RFLNA: variants seen among roughly 807,000 people sequenced by gnomAD.
RFLNA encodes refilin A, also known as refilin-A.
A neutral mutation model predicts 7.8 loss-of-function variants in RFLNA; 5 were observed. The observed-to-expected ratio is 0.64, with a 90% CI of 0.34 to 1.35. RFLNA has a LOEUF of 1.35. Among genes scored for constraint, RFLNA ranks in the 40% most tolerant of loss-of-function variants. The pLI, the probability that RFLNA is intolerant of heterozygous loss-of-function variation, is 0.04. For synonymous variants in RFLNA, 141 were observed against 131.3 expected (o/e 1.07, Z -0.50); for missense variants, 278 against 305.5 (o/e 0.91, Z 0.67).
rs2033794318 is a variant in RFLNA at position 124,290,063 on chromosome 12, G to A, written c.-37+693G>A. 6.6e-6 allele frequency among the ~76,000 whole-genome samples: 1 copy of A among 152,108 alleles called. No individual in the cohort carries two copies. Among genetic ancestry groups the A allele is most frequent in the Non-Finnish European group, 1.5e-5 (1 of 68,022 alleles). On this transcript the variant is annotated intron_variant, in intron 1 of 2. Coordinates refer to the RFLNA transcript ENST00000324038. This position sits in a 1 kb window ranked among gnomAD's most constrained non-coding sequence, Gnocchi z 4.0. ...ACTCCTCCACTTCAACTTCTTCTGTGGCTACTTTCAAACCCTCAGGGATGT... is the reference window on the plus strand; with the variant it reads ...ACTCCTCCACTTCAACTTCTTCTGTAGCTACTTTCAAACCCTCAGGGATGT...
At chr12:124,303,128 G>A (rs934686366) in intron 1 of RFLNA, among the ~76,000 whole-genome samples, 1 of 152,200 alleles carries the variant, frequency 6.6e-6, no homozygotes, top group Non-Finnish European at 1.5e-5. Context: ...GTGCCTCCCT[G>A]TGAGTCCCTG....
Position 124,314,437 on chromosome 12 carries a change from G to C in RFLNA, c.563G>C (p.Gly188Ala), listed in dbSNP as rs1450213363. Reference protein sequence around the residue: ...TFRTTLHCSLGRPSRWFTASV... With the variant: ...TFRTTLHCSLARPSRWFTASV... ...CGGACCACCCTGCACTGCAGCCTGG[G>C]CCGGCCCAGCCGCTGGTTCACCGCC... Residue 188 changes from glycine to alanine, a missense_variant, in exon 3 of 3, where the codon GGC (glycine) becomes GCC (alanine). Physicochemically the swap from Gly to Ala is moderately conservative, Grantham distance 60 (BLOSUM62 0). Coordinates refer to ENST00000546355, the MANE Select transcript of RFLNA (RefSeq NM_001365156.1). The C allele has an allele frequency of 6.2e-7, 1 of 1,601,354 alleles. No individual in the cohort carries two copies. Among genetic ancestry groups the C allele is most frequent in the South Asian group, 1.1e-5 (1 of 91,072 alleles).
rs796252406 is a variant in RFLNA, at chr12:124,296,112, CTT to C, written c.207+478_207+479del. ...TCTTTCTTTCTTTCTTTCTTTCTTT[CTT>C]TCTTTCTTTCTCTCTCTCTCTCTCT... On this transcript the variant is annotated intron_variant, in intron 1 of 2. Transcript: ENST00000546355. 1.6e-3 allele frequency among the ~76,000 whole-genome samples: 6 copies of C among 3,670 alleles called. No homozygotes were observed. In the Non-Finnish European group the frequency reaches 0.017, roughly 10 times the overall value. 2.4% of individuals were successfully genotyped at this position (3,670 alleles called of 152,430 possible).
upstream of RFLNA, among the ~76,000 whole-genome samples, chr12:124,294,539 G>GA (rs2033870918): frequency 6.6e-6 from 1 of 152,182 alleles, no homozygotes; most frequent in Non-Finnish European, 1.5e-5. Context: ...GACCTGCCTG[G>GA]AAAAAATGCA....
intron 1 of RFLNA, among the ~76,000 whole-genome samples, chr12:124,296,082 T>TTCC (rs2033908000): frequency 1.9e-4 from 1 of 5,400 alleles, no homozygotes; most frequent in African/African-American, 3.2e-4. Flanking sequence ...TTTTCTTTCT[T>TTCC]TCTTTCTTTC....
chr12:124,300,958 T>G (rs536390205), intron 1 of RFLNA, among the ~76,000 whole-genome samples: 23 of 147,100 alleles, frequency 1.6e-4, no homozygotes, highest in African/African-American at 5.6e-4. Context: ...ATGGATGGAT[T>G]GATGGATGGA....
upstream of RFLNA, among the ~76,000 whole-genome samples, chr12:124,292,423 G>A (rs1385327899): frequency 6.6e-6 from 1 of 152,190 alleles, no homozygotes; most frequent in African/African-American, 2.4e-5. Context: ...CTAGCCCCTG[G>A]CTCAGATGAA....
At chr12:124,294,602 G>GT (rs2033872227), upstream of RFLNA, among the ~76,000 whole-genome samples, 1 of 152,244 alleles carries the variant, frequency 6.6e-6, no homozygotes, top group Admixed American at 6.5e-5. Flanking sequence ...CGCCCCCGCC[G>GT]CCCCCACCCA....
At chr12:124,297,009 C>A (rs1032420808) in intron 1 of RFLNA, among the ~76,000 whole-genome samples, 1 of 152,154 alleles carries the variant, frequency 6.6e-6, no homozygotes, top group Non-Finnish European at 1.5e-5. Flanking sequence ...TTGAAGTGAA[C>A]CTGATCTTGC....
At chr12:124,310,711 T>G (rs905763503) in intron 1 of RFLNA, among the ~76,000 whole-genome samples, 7 of 152,098 alleles carry the variant, frequency 4.6e-5, no homozygotes, top group African/African-American at 1.7e-4. Flanking sequence ...AGTGGAATTT[T>G]GGGACAGACT....
chr12:124,304,564 G>A (rs1334996668), intron 1 of RFLNA, among the ~76,000 whole-genome samples: 1 of 152,252 alleles, frequency 6.6e-6, no homozygotes, highest in Non-Finnish European at 1.5e-5. Flanking sequence ...GGGTTTGGCA[G>A]TGTCTTCATT....
intron 1 of RFLNA, among the ~76,000 whole-genome samples, chr12:124,305,063 A>G (rs921523239): frequency 1.3e-5 from 2 of 152,236 alleles, no homozygotes; most frequent in African/African-American, 4.8e-5. Context: ...ACGGTGAGCC[A>G]TAGAAGATGA....
chr12:124,296,398 A>C (rs2033929675), intron 1 of RFLNA, among the ~76,000 whole-genome samples: 1 of 150,024 alleles, frequency 6.7e-6, no homozygotes, highest in Admixed American at 6.7e-5. Flanking sequence ...GAGACTGGGC[A>C]CCCCCCGGCA....
chr12:124,293,368 C>T (rs73223549), upstream of RFLNA, among the ~76,000 whole-genome samples: 16,108 of 152,044 alleles, frequency 0.11, 973 homozygotes, highest in African/African-American at 0.16. Context: ...TAGTTCTTGC[C>T]GAAGACTTTC....
At chr12:124,300,446 G>A (rs189634181) in intron 1 of RFLNA, among the ~76,000 whole-genome samples, 1 of 152,362 alleles carries the variant, frequency 6.6e-6, no homozygotes, top group Admixed American at 6.5e-5. Flanking sequence ...TTGGACCTTG[G>A]CTGGGACCCT....
chr12:124,295,425 C>G lies in RFLNA; in HGVS notation c.-5C>G, dbSNP rs1280856958. 4 of 1,233,188 alleles carry G rather than the reference C, an allele frequency of 3.2e-6. No individual in the cohort carries two copies. Among genetic ancestry groups the G allele is most frequent in the Non-Finnish European group, 4.0e-6 (4 of 988,712 alleles). 76.4% of individuals were successfully genotyped at this position (1,233,188 alleles called of 1,614,324 possible). Reference sequence around the variant, plus strand: ...CGGGGGGCCCGCGCCCCGCGCCCCCCAGACATGGTGGGCCACCTGCATCTG... The same window carrying G: ...CGGGGGGCCCGCGCCCCGCGCCCCCGAGACATGGTGGGCCACCTGCATCTG... On this transcript the variant is annotated 5_prime_UTR_variant, in exon 1 of 3. Coordinates refer to ENST00000546355, the MANE Select transcript of RFLNA (RefSeq NM_001365156.1).
upstream of RFLNA, among the ~76,000 whole-genome samples, chr12:124,290,760 G>A (rs142278496): frequency 3.0e-3 from 463 of 152,284 alleles, no homozygotes; most frequent in African/African-American, 0.01. The surrounding 1 kb of genome is among the most constrained non-coding windows in gnomAD (Gnocchi z 4.0). Context: ...TGTGCCTGGC[G>A]TGCCTGGAAG....
At chr12:124,302,804 C>CCAAGG (rs1340681084) in intron 1 of RFLNA, among the ~76,000 whole-genome samples, 1 of 142,058 alleles carries the variant, frequency 7.0e-6, no homozygotes, top group Non-Finnish European at 1.5e-5. Flanking sequence ...AGGTCAGGGG[C>CCAAGG]TGAGGTCAGG....
At chr12:124,295,745 C>G in intron 1 of RFLNA, 109 bp downstream of exon 1, 1 of 1,106,700 alleles carries the variant, frequency 9.0e-7, no homozygotes, top group Non-Finnish European at 1.1e-6. Flanking sequence ...CCTCCTCTAC[C>G]TGCCCCGCAA....
Sources: allele counts gnomAD v4.1 joint callset (sites outside exome capture counted in the v4.1 genomes callset), GRCh38; gene constraint gnomAD v4.1.1; non-coding constraint Gnocchi (gnomAD v3.1); transcripts MANE v1.5; gene names NCBI Gene and HGNC (gene_info 2026-07-23, HGNC 2026-07-21).